Variants in CDH13 observed in about 807,000 individuals in gnomAD.
CDH13 encodes cadherin 13, also known as cadherin-13.
CDH13 carries 24 observed loss-of-function variants against 63.8 expected under a neutral mutation model. The ratio of observed to expected loss-of-function variants is 0.38; its 90% CI spans 0.27 to 0.53. CDH13 has a LOEUF of 0.53. Ranked by LOEUF, CDH13 falls within the 20% of genes least tolerant of loss-of-function variation. The pLI is 0.85. For missense variants in CDH13, 1,049 were observed against 903.1 expected (o/e 1.16, Z -2.07); for synonymous variants, 503 against 355.3 (o/e 1.42, Z -4.67).
At chr16:83,701,869 G>A (rs1210039924) in intron 10 of CDH13, among the ~76,000 whole-genome samples, 1 of 152,198 alleles carries the variant, frequency 6.6e-6, no homozygotes, top group Non-Finnish European at 1.5e-5. Flanking sequence ...GCTAATGTCT[G>A]CGTATTTGCT....
At chr16:82,733,915 A>G (rs533525558) in intron 1 of CDH13, among the ~76,000 whole-genome samples, 1 of 152,388 alleles carries the variant, frequency 6.6e-6, no homozygotes, top group East Asian at 1.9e-4. Flanking sequence ...TTAGGAACAC[A>G]AAGCAAGCAA....
intron 2 of CDH13, among the ~76,000 whole-genome samples, chr16:82,976,434 C>A (rs1006349915): frequency 6.6e-6 from 1 of 152,154 alleles, no homozygotes; most frequent in African/African-American, 2.4e-5. Context: ...GAGCTCCAGG[C>A]GCTTTTCCAG....
chr16:83,757,534 C>T (rs951260188), intron 11 of CDH13, among the ~76,000 whole-genome samples: 1 of 152,126 alleles, frequency 6.6e-6, no homozygotes, highest in Non-Finnish European at 1.5e-5. Flanking sequence ...ACCAAGATCG[C>T]ACCACTGCAT....
At chr16:83,235,766 C>G (rs545870274) in intron 5 of CDH13, among the ~76,000 whole-genome samples, 26 of 152,258 alleles carry the variant, frequency 1.7e-4, no homozygotes, top group African/African-American at 6.0e-4. Flanking sequence ...ATACGGCACA[C>G]TTAAGCACGT....
At chr16:83,232,370 C>G (rs1233386240) in intron 5 of CDH13, among the ~76,000 whole-genome samples, 1 of 151,518 alleles carries the variant, frequency 6.6e-6, no homozygotes. Context: ...ACTAAAAAAA[C>G]AAAAATTAGC....
chr16:83,518,517 G>A (rs1205319951), intron 7 of CDH13, among the ~76,000 whole-genome samples: 5 of 147,366 alleles, frequency 3.4e-5, no homozygotes, highest in Non-Finnish European at 7.4e-5. Flanking sequence ...CTGTCTCCCA[G>A]GCTGGAGTGC....
chr16:82,853,063 A>G (rs2039557767), intron 1 of CDH13, among the ~76,000 whole-genome samples: 1 of 152,210 alleles, frequency 6.6e-6, no homozygotes. Context: ...AAAGAGTGTG[A>G]TTTAAGAATT....
chr16:83,268,447 C>G (rs988266820), intron 5 of CDH13, among the ~76,000 whole-genome samples: 3 of 152,120 alleles, frequency 2.0e-5, no homozygotes, highest in African/African-American at 7.2e-5. Context: ...ACATTTTTTC[C>G]AAACCAGCAG....
At chr16:82,803,644 A>G (rs1308003431) in intron 1 of CDH13, among the ~76,000 whole-genome samples, 1 of 152,246 alleles carries the variant, frequency 6.6e-6, no homozygotes, top group Non-Finnish European at 1.5e-5. Flanking sequence ...ATTCAGTCAT[A>G]CAAAAGAAGA....
intron 6 of CDH13, among the ~76,000 whole-genome samples, chr16:83,384,525 G>T (rs61160831): frequency 6.6e-6 from 1 of 152,226 alleles, no homozygotes; most frequent in Non-Finnish European, 1.5e-5. Flanking sequence ...GCTGCCCCAA[G>T]GGCATAGAAG....
chr16:82,900,419 C>G (rs886858193), intron 2 of CDH13, among the ~76,000 whole-genome samples: 1 of 50,122 alleles, frequency 2.0e-5, no homozygotes, highest in Non-Finnish European at 4.0e-5. Context: ...TGGCCTGGTT[C>G]AAGAAGTACA....
At chr16:83,345,701 A>T (rs1404976194) in intron 6 of CDH13, among the ~76,000 whole-genome samples, 1 of 152,108 alleles carries the variant, frequency 6.6e-6, no homozygotes, top group Non-Finnish European at 1.5e-5. Flanking sequence ...AGCTGAAGTC[A>T]CTCCTAAGTA....
intron 1 of CDH13, among the ~76,000 whole-genome samples, chr16:82,735,068 T>A (rs1033849135): frequency 2.0e-5 from 3 of 152,148 alleles, no homozygotes; most frequent in Non-Finnish European, 4.4e-5. Context: ...TGGCAGACTC[T>A]CTCTTTTGAA....
At position 83,098,159 on chromosome 16, in the gene CDH13, C is replaced by T. The variant is rs146683530; in HGVS notation, c.367-27226C>T. On this transcript the variant is annotated intron_variant, in intron 3 of 13. Transcript: ENST00000567109. ...GAAAAGTGTAGCCTCAAGAAATATT[C>T]TTTGTCATCCTAGTGGTTGCTTTAG... Among the ~76,000 whole-genome samples, 500 of 152,316 alleles carry T rather than the reference C, an allele frequency of 3.3e-3. 11 individuals are homozygous for T. The highest frequency in any genetic ancestry group is 0.029 in the Admixed American group (437 of 15,300).
intron 7 of CDH13, among the ~76,000 whole-genome samples, chr16:83,528,471 C>T (rs1429806972): frequency 6.6e-6 from 1 of 152,116 alleles, no homozygotes; most frequent in Non-Finnish European, 1.5e-5. Flanking sequence ...CATCAACTCC[C>T]ATGAGGCTCA....
intron 2 of CDH13, among the ~76,000 whole-genome samples, chr16:82,983,523 G>C (rs1910553408): frequency 6.6e-6 from 1 of 152,166 alleles, no homozygotes; most frequent in Non-Finnish European, 1.5e-5. Context: ...CTGCCAGTAA[G>C]GGAGCAACCA....
chr16:83,359,077 T>A (rs1041830971), intron 6 of CDH13, among the ~76,000 whole-genome samples: 16 of 152,210 alleles, frequency 1.1e-4, no homozygotes, highest in African/African-American at 3.4e-4. Context: ...CAGAGAATAT[T>A]AATTTTTTTC....
chr16:83,087,648 A>G (rs1300590970), intron 3 of CDH13, among the ~76,000 whole-genome samples: 2 of 132,754 alleles, frequency 1.5e-5, no homozygotes, highest in East Asian at 4.9e-4. Flanking sequence ...AGCCCGGGCG[A>G]CGAAGCAAGA....
intron 8 of CDH13, among the ~76,000 whole-genome samples, chr16:83,629,479 CAGGGTTCTCCA>C (rs1408955741): frequency 2.0e-5 from 3 of 152,108 alleles, no homozygotes; most frequent in Non-Finnish European, 4.4e-5. Context: ...TTTAAAAACC[CAGGGTTCTCCA>C]AGGGCTTCAG....
Sources: gnomAD v4.1 joint callset for allele counts (sites outside exome capture counted in the v4.1 genomes callset) on GRCh38, gnomAD v4.1.1 for gene constraint, MANE v1.5 for transcripts, NCBI Gene and HGNC (gene_info 2026-07-23, HGNC 2026-07-21) for gene names.